HERC5: variants seen among roughly 807,000 people sequenced by gnomAD.
HERC5 encodes HECT and RLD domain containing E3 ubiquitin protein ligase 5.
A neutral mutation model predicts 119.6 loss-of-function variants in HERC5; 99 were observed. That is an observed-to-expected ratio of 0.83 (90% CI 0.70 to 0.98). The LOEUF is 0.98. Among genes scored for constraint, HERC5 ranks in the 50% least tolerant of loss-of-function variants. HERC5 has a pLI of 0.00. For synonymous variants in HERC5, 478 were observed against 445.9 expected, an observed-to-expected ratio of 1.07 and a Z score of -0.91; for missense variants, 1,267 against 1,241.3, an observed-to-expected ratio of 1.02 and a Z score of -0.31.
rs540408544 is a variant in HERC5 at position 88,478,365 on chromosome 4, AATTAT to A, written c.1583-984_1583-980del. On this transcript the variant is annotated intron_variant, in intron 12 of 22. Coordinates refer to ENST00000264350, the MANE Select transcript of HERC5 (RefSeq NM_016323.4). The stretch of plus-strand genomic sequence containing the variant: ...AACAATCTAAGTAAAATTACGTGAT[AATTAT>A]ATTTACCTTCCTTGTGAAGGTCAAA... 3.3e-5 allele frequency among the ~76,000 whole-genome samples: 5 copies of A among 152,294 alleles called. No individual in the cohort carries two copies. In the South Asian group the frequency reaches 8.3e-4, roughly 25 times the overall value.
At chr4:88,464,067 C>CT (rs1325857656) in intron 6 of HERC5, 82 bp downstream of exon 6, 1 of 1,184,286 alleles carries the variant, frequency 8.4e-7, no homozygotes, top group Admixed American at 2.5e-5. Flanking sequence ...CTTTCAGTTT[C>CT]TTTGAGATGT....
At chr4:88,489,756 C>T (rs1423602222) in intron 16 of HERC5, among the ~76,000 whole-genome samples, 2 of 152,152 alleles carry the variant, frequency 1.3e-5, no homozygotes, top group Non-Finnish European at 2.9e-5. Context: ...CACCTGTAAT[C>T]CCGGCGCTTT....
chr4:88,494,881 C>T (rs899715819), intron 18 of HERC5, among the ~76,000 whole-genome samples: 11 of 152,168 alleles, frequency 7.2e-5, no homozygotes, highest in African/African-American at 2.2e-4. Context: ...TGCATATTAA[C>T]GTGAGAGGCT....
chr4:88,461,438 A>G (rs1740440297), intron 3 of HERC5, among the ~76,000 whole-genome samples: 1 of 152,222 alleles, frequency 6.6e-6, no homozygotes. Context: ...TCATCATTAT[A>G]TTCCTGGTGG....
At position 88,479,360 on chromosome 4, in the gene HERC5, T is replaced by C. The variant is rs373686116; in HGVS notation, c.1590T>C (p.Tyr530=). 85 of 1,596,436 alleles carry C rather than the reference T, an allele frequency of 5.3e-5. No homozygotes were observed. The highest frequency in any genetic ancestry group is 7.1e-5 in the Non-Finnish European group (84 of 1,175,080). The change falls in exon 13 of 23, where the codon TAT becomes TAC. Residue 530 remains tyrosine (Y), a synonymous_variant. Transcript: ENST00000264350. Reference sequence around the variant, plus strand: ...TTTCCTTGTGTTCCTCAGAAGAGTATTGGGCAACTCTGCAAGAATCCACTT... The same window carrying C: ...TTTCCTTGTGTTCCTCAGAAGAGTACTGGGCAACTCTGCAAGAATCCACTT... ...SDQSSLVLEE[Y]WATLQESTFS...
chr4:88,470,515 T>C (rs1740831379), intron 9 of HERC5, 99 bp from the exon 10 acceptor site: 5 of 669,396 alleles, frequency 7.5e-6, no homozygotes, highest in Middle Eastern at 2.5e-4. Context: ...AGGATAGTTA[T>C]AAGATGTGGT....
At chr4:88,475,653 C>T (rs1447796819) in intron 11 of HERC5, among the ~76,000 whole-genome samples, 188 bp from the exon 12 acceptor site, 1 of 152,040 alleles carries the variant, frequency 6.6e-6, no homozygotes, top group Non-Finnish European at 1.5e-5. Flanking sequence ...TTGTATATCC[C>T]AAATACCTCC....
chr4:88,480,727 A>G (rs1741251765), intron 13 of HERC5, among the ~76,000 whole-genome samples: 1 of 152,172 alleles, frequency 6.6e-6, no homozygotes, highest in Non-Finnish European at 1.5e-5. Flanking sequence ...AAATGATACC[A>G]AATTATGGTT....
In HERC5 at chr4:88,494,184, G is replaced by T; in HGVS notation, c.2297G>T (p.Arg766Ile). 6.2e-7 allele frequency: 1 copy of T among 1,607,166 alleles called. No homozygotes were observed. The highest frequency in any genetic ancestry group is 8.5e-7 in the Non-Finnish European group (1 of 1,177,690). The change falls in exon 18 of 23, where the codon AGA (arginine) becomes ATA (isoleucine). Residue 766 changes from arginine to isoleucine, a missense_variant. Around this residue, in one of 3 missense-constraint regions of HERC5, gnomAD observed 473 missense variants for 445.7 expected, o/e 1.06. Transcript: ENST00000264350. Reference protein sequence around the residue: ...FPVKPKFEKKRYFFFGVLCGL... With the variant: ...FPVKPKFEKKIYFFFGVLCGL... Reference sequence around the variant, plus strand: ...TTTCAGCCTAAATTTGAGAAGAAAAGATACTTCTTTTTTGGGGTTCTATGT... The same window carrying T: ...TTTCAGCCTAAATTTGAGAAGAAAATATACTTCTTTTTTGGGGTTCTATGT...
chr4:88,458,772 CTT>C lies in HERC5; in HGVS notation c.266-574_266-573del, dbSNP rs554833279. Among the ~76,000 whole-genome samples, 31 of 152,256 alleles carry C rather than the reference CTT, an allele frequency of 2.0e-4. No individual in the cohort carries two copies. The East Asian group carries it at 5.6e-3, about 28-fold the overall frequency. On this transcript the variant is annotated intron_variant, in intron 1 of 22. Coordinates refer to ENST00000264350, the MANE Select transcript of HERC5 (RefSeq NM_016323.4). Reference sequence around the variant, plus strand: ...TTTTTACTAGTGGACAGTTTAATCTCTTAACTTCAGAAAGGGCCAAATGTGCA... The same window carrying C: ...TTTTTACTAGTGGACAGTTTAATCTCAACTTCAGAAAGGGCCAAATGTGCA...
At chr4:88,500,041 C>T (rs553333499) in intron 19 of HERC5, 49 bp downstream of exon 19, 60 of 1,122,574 alleles carry the variant, frequency 5.3e-5, no homozygotes, top group East Asian at 9.5e-5. Context: ...TCTGATTAAC[C>T]CTTTACATAT....
chr4:88,478,770 C>G (rs972135035), intron 12 of HERC5, among the ~76,000 whole-genome samples: 1 of 151,980 alleles, frequency 6.6e-6, no homozygotes, highest in Non-Finnish European at 1.5e-5. Flanking sequence ...GCCACCACGC[C>G]CTGCTAATTT....
At chr4:88,491,746 A>G (rs1741645236) in intron 16 of HERC5, among the ~76,000 whole-genome samples, 1 of 152,062 alleles carries the variant, frequency 6.6e-6, no homozygotes, top group Middle Eastern at 3.4e-3. Context: ...CCGTGTTTGT[A>G]TTGGAGACAA....
Position 88,504,508 on chromosome 4 carries a change from A to C in HERC5, c.2780A>C (p.Glu927Ala). 1.3e-6 allele frequency: 2 copies of C among 1,578,010 alleles called. No homozygotes were observed. The highest frequency in any genetic ancestry group is 8.6e-7 in the Non-Finnish European group (1 of 1,161,954). The change falls in exon 22 of 23, where the codon GAA (glutamate) becomes GCA (alanine). Residue 927 changes from glutamate to alanine, a missense_variant. Physicochemically the swap from Glu to Ala is moderately radical, Grantham distance 107. This residue lies in a region of HERC5 where 473 missense variants were observed against 445.7 expected (regional missense o/e 1.06). Transcript: ENST00000264350. Reference sequence around the variant, plus strand: ...TATTTTCTCTAGAATGCACGTTATGAACCAGGATATAACAGTTCACATCCC... The same window carrying C: ...TATTTTCTCTAGAATGCACGTTATGCACCAGGATATAACAGTTCACATCCC... ...WKTFEKNARY[E>A]PGYNSSHPTI...
intron 12 of HERC5, among the ~76,000 whole-genome samples, chr4:88,476,686 T>C (rs1313704827): frequency 1.3e-5 from 2 of 152,092 alleles, no homozygotes; most frequent in Non-Finnish European, 2.9e-5. Context: ...TTTGGGAGGC[T>C]GAGGCAGGCA....
Position 88,505,917 on chromosome 4 carries a change from A to ATTG in HERC5, c.*40_*41insTGT, listed in dbSNP as rs1411143054. The ATTG allele has an allele frequency of 6.7e-7, 1 of 1,482,992 alleles. No homozygotes were observed. The highest frequency in any genetic ancestry group is 1.4e-5 in the African/African-American group (1 of 70,672). 91.9% of individuals were successfully genotyped at this position (1,482,992 alleles called of 1,614,324 possible). ...CCAACAGCCTTATTTTGTTGTTGTT[A>ATTG]TCGTTGTTGTTGTTGTTGTTGTTGT... On this transcript the variant is annotated 3_prime_UTR_variant, in exon 23 of 23. Coordinates refer to ENST00000264350, the MANE Select transcript of HERC5 (RefSeq NM_016323.4).
At chr4:88,484,707 C>CTTG (rs1202134045) in intron 13 of HERC5, among the ~76,000 whole-genome samples, 5 of 152,154 alleles carry the variant, frequency 3.3e-5, no homozygotes, top group Non-Finnish European at 5.9e-5. Flanking sequence ...CGGTCTCAGA[C>CTTG]TTGTGGGGAT....
At chr4:88,491,610 A>T (rs1316679440) in intron 16 of HERC5, among the ~76,000 whole-genome samples, 1 of 152,218 alleles carries the variant, frequency 6.6e-6, no homozygotes, top group Non-Finnish European at 1.5e-5. Flanking sequence ...GAGATGAGAT[A>T]TGAGAAAAAG....
intron 12 of HERC5, 122 bp downstream of exon 12, chr4:88,476,152 G>A: frequency 1.4e-6 from 1 of 703,684 alleles, no homozygotes; most frequent in Admixed American, 3.0e-5. Context: ...CGTATTGTTA[G>A]CATACTCTAA....
Sources: allele counts gnomAD v4.1 joint callset (sites outside exome capture counted in the v4.1 genomes callset), GRCh38; gene constraint gnomAD v4.1.1; regional missense constraint gnomAD v4.1.1; transcripts MANE v1.5; gene names NCBI Gene and HGNC (gene_info 2026-07-23, HGNC 2026-07-21).